Variants in UCN3 observed in about 807,000 individuals in gnomAD.
UCN3 encodes urocortin-3.
Under a neutral mutation model 3.6 loss-of-function variants are expected in UCN3, and 3 were observed. That is an observed-to-expected ratio of 0.83 (90% CI 0.38 to 2.15). The LOEUF is 2.15. Among genes scored for constraint, UCN3 ranks in the 30% most tolerant of loss-of-function variants. UCN3 has a pLI of 0.06. For synonymous variants in UCN3, 100 were observed against 93.2 expected (o/e 1.07, Z -0.42); for missense variants, 206 against 208.3 (o/e 0.99, Z 0.07).
intron 1 of UCN3, among the ~76,000 whole-genome samples, chr10:5,370,340 TGC>T (rs1335944407): frequency 8.9e-5 from 7 of 78,960 alleles, no homozygotes; most frequent in Admixed American, 2.5e-4. Flanking sequence ...CGTGTGTATA[TGC>T]GTGTGTATAT....
At chr10:5,368,959 G>A (rs1419419002) in intron 1 of UCN3, among the ~76,000 whole-genome samples, 2 of 152,176 alleles carry the variant, frequency 1.3e-5, no homozygotes, top group Non-Finnish European at 2.9e-5. Context: ...CTCAGCATCA[G>A]CATCACGTGG....
At chr10:5,371,504 G>T (rs1388773090) in intron 1 of UCN3, among the ~76,000 whole-genome samples, 1 of 152,088 alleles carries the variant, frequency 6.6e-6, no homozygotes, top group Non-Finnish European at 1.5e-5. Context: ...CCTTTAGAAA[G>T]AGACCCAGGC....
At chr10:5,370,799 GTATA>G (rs1448127517) in intron 1 of UCN3, among the ~76,000 whole-genome samples, 2 of 141,764 alleles carry the variant, frequency 1.4e-5, no homozygotes, top group African/African-American at 5.6e-5. Flanking sequence ...GTATGCGTGT[GTATA>G]TGTGTGTGTG....
rs1554810669 is a variant in UCN3 at position 5,365,834 on chromosome 10, C to T, written c.-7+604C>T. On this transcript the variant is annotated intron_variant, in intron 1 of 1. Transcript: ENST00000380433. The surrounding 1 kb of genome is among the most constrained non-coding windows in gnomAD (Gnocchi z 4.4). ...GGAGTTTCCCCAGCCAGGTCCTCTG[C>T]CACCAAAGCCCAGAGCCCTTTGCCA... 6.6e-6 allele frequency among the ~76,000 whole-genome samples: 1 copy of T among 152,172 alleles called. No individual in the cohort carries two copies. The highest frequency in any genetic ancestry group is 1.9e-4 in the East Asian group (1 of 5,188).
At position 5,370,803 on chromosome 10, in the gene UCN3, ATG is replaced by A. The variant is rs1340221137; in HGVS notation, c.-6-2903_-6-2902del. ...CGTGTGTGTGTGTATGCGTGTGTAT[ATG>A]TGTGTGTGCGTGTGTGTGCGCGCGT... On this transcript the variant is annotated intron_variant, in intron 1 of 1. Transcript: ENST00000380433. Among the ~76,000 whole-genome samples the A allele has an allele frequency of 1.5e-3, 151 of 102,772 alleles. 14 individuals are homozygous for A. The highest frequency in any genetic ancestry group is 5.6e-3 in the South Asian group (16 of 2,864). 67.4% of individuals were successfully genotyped at this position (102,772 alleles called of 152,430 possible). A position where few individuals can be genotyped will look rare whatever the true frequency, so the allele number is the denominator to read the frequency against.
At position 5,366,719 on chromosome 10, in the gene UCN3, C is replaced by T. The variant is rs1043883002; in HGVS notation, c.-7+1489C>T. ...AACGATCTAAAACTAAGCTCAGCAC[C>T]GGGCGTCCCTATCATGTCCAATTCA... On this transcript the variant is annotated intron_variant, in intron 1 of 1. Coordinates refer to ENST00000380433, the MANE Select transcript of UCN3 (RefSeq NM_053049.4). The surrounding 1 kb of genome is among the most constrained non-coding windows in gnomAD (Gnocchi z 4.2). 4.6e-5 allele frequency among the ~76,000 whole-genome samples: 7 copies of T among 152,166 alleles called. No homozygotes were observed. Among genetic ancestry groups the T allele is most frequent in the Admixed American group, 3.9e-4 (6 of 15,270 alleles).
At chr10:5,369,187 G>A (rs964334734) in intron 1 of UCN3, among the ~76,000 whole-genome samples, 9 of 152,202 alleles carry the variant, frequency 5.9e-5, no homozygotes, top group Admixed American at 3.9e-4. Flanking sequence ...CCAGAGATAC[G>A]ATACAACAAG....
chr10:5,372,269 C>G (rs1486884925), intron 1 of UCN3, among the ~76,000 whole-genome samples: 1 of 152,196 alleles, frequency 6.6e-6, no homozygotes, highest in Non-Finnish European at 1.5e-5. Flanking sequence ...GCCCACTTCA[C>G]AATATCCTCA....
At position 5,370,453 on chromosome 10, in the gene UCN3, G is replaced by T. The variant is rs1554811230; in HGVS notation, c.-6-3262G>T. ...TGTGTATATGCGTGTGTATGTGTGTGTGTATATGTGTGTATATGCGTGTGT... is the reference window on the plus strand; with the variant it reads ...TGTGTATATGCGTGTGTATGTGTGTTTGTATATGTGTGTATATGCGTGTGT... On this transcript the variant is annotated intron_variant, in intron 1 of 1. Transcript: ENST00000380433. Among the ~76,000 whole-genome samples the T allele has an allele frequency of 1.7e-5, 2 of 115,646 alleles. 1 individual carries two copies. Among genetic ancestry groups the T allele is most frequent in the Non-Finnish European group, 3.5e-5 (2 of 57,620 alleles). The allele number at this position is 115,646 out of a possible 152,430, so 75.9% of individuals were successfully genotyped here. A position where few individuals can be genotyped will look rare whatever the true frequency, so the allele number is the denominator to read the frequency against.
intron 1 of UCN3, among the ~76,000 whole-genome samples, chr10:5,370,410 T>TGC (rs1491507558): frequency 1.9e-5 from 1 of 51,322 alleles, no homozygotes. Context: ...TGTGTGTATA[T>TGC]GTGTGTGTGT....
At chr10:5,370,881 A>ATGTGTGTATATGTGTGTATG (rs1564443751) in intron 1 of UCN3, among the ~76,000 whole-genome samples, 1 of 80,558 alleles carries the variant, frequency 1.2e-5, no homozygotes, top group South Asian at 4.4e-4. Flanking sequence ...GTGTGTGTAT[A>ATGTGTGTATATGTGTGTATG]TGCGTGTGTA....
At chr10:5,371,198 G>A (rs1202346755) in intron 1 of UCN3, among the ~76,000 whole-genome samples, 1 of 150,550 alleles carries the variant, frequency 6.6e-6, no homozygotes, top group Admixed American at 6.6e-5. Context: ...TACGTGTGAG[G>A]TGTGTATGTG....
Position 5,366,237 on chromosome 10 carries a change from C to G in UCN3, c.-7+1007C>G, listed in dbSNP as rs868947832. Among the ~76,000 whole-genome samples the G allele has an allele frequency of 6.6e-6, 1 of 152,216 alleles. No individual in the cohort carries two copies. The highest frequency in any genetic ancestry group is 6.5e-5 in the Admixed American group (1 of 15,286). ...GTTTCAGTGCTTGGCTCTGCCACAG[C>G]TCCCAGAAGTAACTGTGTCTCTTTA... On this transcript the variant is annotated intron_variant, in intron 1 of 1. Coordinates refer to ENST00000380433, the MANE Select transcript of UCN3 (RefSeq NM_053049.4). This position sits in a 1 kb window ranked among gnomAD's most constrained non-coding sequence, Gnocchi z 4.2.
At chr10:5,371,159 G>GTGTGCATGTGTATGTA (rs1831420835) in intron 1 of UCN3, among the ~76,000 whole-genome samples, 1 of 151,272 alleles carries the variant, frequency 6.6e-6, no homozygotes, top group Non-Finnish European at 1.5e-5. Flanking sequence ...ATGTATATGT[G>GTGTGCATGTGTATGTA]TGTGCATGTG....
rs562050039 is a variant in UCN3 at position 5,367,700 on chromosome 10, A to C, written c.-7+2470A>C. On this transcript the variant is annotated intron_variant, in intron 1 of 1. Coordinates refer to ENST00000380433, the MANE Select transcript of UCN3 (RefSeq NM_053049.4). The surrounding 1 kb of genome is among the most constrained non-coding windows in gnomAD (Gnocchi z 4.3). The stretch of plus-strand genomic sequence containing the variant: ...AAACTCAAGTGTTGATTTACACTAA[A>C]GGGCCAGTCCGTGTGAGCAGAGCCC... Among the ~76,000 whole-genome samples, 5 of 152,224 alleles carry C rather than the reference A, an allele frequency of 3.3e-5. No individual in the cohort carries two copies. The highest frequency in any genetic ancestry group is 7.3e-5 in the Non-Finnish European group (5 of 68,046).
intron 1 of UCN3, among the ~76,000 whole-genome samples, chr10:5,370,995 G>C (rs1434476753): frequency 6.6e-6 from 1 of 150,424 alleles, no homozygotes; most frequent in African/African-American, 2.5e-5. Context: ...AGGTATGTAT[G>C]TGTGTGCATA....
rs1834105581 is a variant in UCN3 at position 5,365,296 on chromosome 10, G to T, written c.-7+66G>T. 1 of 152,250 alleles carries T rather than the reference G, an allele frequency of 6.6e-6. No individual in the cohort carries two copies. Among genetic ancestry groups the T allele is most frequent in the African/African-American group, 2.4e-5 (1 of 41,456 alleles). The allele number at this position is 152,250 out of a possible 1,614,324, so 9.4% of individuals were successfully genotyped here. ...ATCTGCCCTAATTTAAGCAGGAGGT[G>T]CCATGCACTAGACAGGTGTGAGAGA... On this transcript the variant is annotated intron_variant, in intron 1 of 1. Coordinates refer to ENST00000380433, the MANE Select transcript of UCN3 (RefSeq NM_053049.4). This position sits in a 1 kb window ranked among gnomAD's most constrained non-coding sequence, Gnocchi z 4.4.
At chr10:5,370,793 G>GCGTGTGTGTATT (rs1831396723) in intron 1 of UCN3, among the ~76,000 whole-genome samples, 1 of 142,880 alleles carries the variant, frequency 7.0e-6, no homozygotes, top group African/African-American at 2.8e-5. Flanking sequence ...GTGTGTGTAT[G>GCGTGTGTGTATT]CGTGTGTATA....
In UCN3 at chr10:5,370,804, T is replaced by TGC. The variant is rs1491416367; in HGVS notation, c.-6-2910_-6-2909insCG. On this transcript the variant is annotated intron_variant, in intron 1 of 1. Coordinates refer to ENST00000380433, the MANE Select transcript of UCN3 (RefSeq NM_053049.4). ...GTGTGTGTGTGTATGCGTGTGTATA[T>TGC]GTGTGTGTGCGTGTGTGTGCGCGCG... Among the ~76,000 whole-genome samples the TGC allele has an allele frequency of 1.5e-4, 20 of 136,066 alleles. 1 individual carries two copies. The highest frequency in any genetic ancestry group is 6.0e-4 in the African/African-American group (20 of 33,456). The allele number at this position is 136,066 out of a possible 152,430, so 89.3% of individuals were successfully genotyped here. A position where few individuals can be genotyped will look rare whatever the true frequency, so the allele number is the denominator to read the frequency against.
Sources: allele counts gnomAD v4.1 joint callset (sites outside exome capture counted in the v4.1 genomes callset), GRCh38; gene constraint gnomAD v4.1.1; non-coding constraint Gnocchi (gnomAD v3.1); transcripts MANE v1.5; gene names NCBI Gene and HGNC (gene_info 2026-07-23, HGNC 2026-07-21).